APBB1IP: variants seen among roughly 807,000 people sequenced by gnomAD.
The protein encoded by APBB1IP is amyloid beta precursor protein binding family B member 1 interacting protein, also known as amyloid beta A4 precursor protein-binding family B member 1-interacting protein.
APBB1IP carries 27 observed loss-of-function variants against 64.9 expected under a neutral mutation model. The observed-to-expected ratio is 0.42, with a 90% CI of 0.31 to 0.57. The LOEUF is 0.57. Among genes scored for constraint, APBB1IP ranks in the 20% least tolerant of loss-of-function variants. The pLI is 0.20. For synonymous variants in APBB1IP, 392 were observed against 331.0 expected (o/e 1.18, Z -2.00); for missense variants, 812 against 845.5 (o/e 0.96, Z 0.49).
intron 11 of APBB1IP, among the ~76,000 whole-genome samples, chr10:26,553,103 C>G (rs578105493): frequency 6.6e-6 from 1 of 152,032 alleles, no homozygotes; most frequent in African/African-American, 2.4e-5. Context: ...CTCACTGCAA[C>G]CTCCGCCTCC....
intron 7 of APBB1IP, 135 bp downstream of exon 7, chr10:26,512,041 G>T: frequency 1.8e-6 from 2 of 1,085,662 alleles, no homozygotes; most frequent in Non-Finnish European, 2.6e-6. Context: ...TGCTGCCCAG[G>T]CTGATCTCAA....
chr10:26,506,257 G>GT (rs1358015809), intron 6 of APBB1IP, among the ~76,000 whole-genome samples: 13 of 140,950 alleles, frequency 9.2e-5, no homozygotes, highest in South Asian at 2.7e-4. Context: ...GTGTGGGGGG[G>GT]GGGGGTGGGG....
intron 2 of APBB1IP, among the ~76,000 whole-genome samples, chr10:26,450,582 G>A (rs1471936232): frequency 6.6e-6 from 1 of 151,382 alleles, no homozygotes; most frequent in South Asian, 2.1e-4. Context: ...CCTTCTCTTT[G>A]TTAAGCAGTT....
intron 11 of APBB1IP, among the ~76,000 whole-genome samples, chr10:26,555,159 G>A (rs370722409): frequency 1.3e-5 from 2 of 152,090 alleles, no homozygotes; most frequent in East Asian, 3.9e-4. Context: ...ATCTCCCATT[G>A]AGCCCTCCCT....
intron 8 of APBB1IP, among the ~76,000 whole-genome samples, chr10:26,525,286 GA>G (rs1173585582): frequency 3.3e-5 from 5 of 151,550 alleles, no homozygotes; most frequent in Non-Finnish European, 5.9e-5. Flanking sequence ...GTCTAAAAAA[GA>G]AAAAAAGAAA....
chr10:26,537,111 T>C (rs1836634857), intron 10 of APBB1IP, among the ~76,000 whole-genome samples: 1 of 152,160 alleles, frequency 6.6e-6, no homozygotes. Flanking sequence ...TTTTAACTCT[T>C]ATTCTGACCA....
At chr10:26,554,207 C>T (rs1836866737) in intron 11 of APBB1IP, among the ~76,000 whole-genome samples, 1 of 152,194 alleles carries the variant, frequency 6.6e-6, no homozygotes, top group Non-Finnish European at 1.5e-5. Context: ...CTACTCTATT[C>T]GTTTTCTGGA....
At chr10:26,466,349 A>G (rs1193839754) in intron 2 of APBB1IP, among the ~76,000 whole-genome samples, 1 of 152,214 alleles carries the variant, frequency 6.6e-6, no homozygotes, top group South Asian at 2.1e-4. Context: ...GTTCAAGGCG[A>G]TGGGACACAG....
intron 8 of APBB1IP, among the ~76,000 whole-genome samples, chr10:26,525,069 G>C (rs1261859789): frequency 6.7e-6 from 1 of 149,140 alleles, no homozygotes; most frequent in East Asian, 2.0e-4. Context: ...GATCACTTGA[G>C]CCCAGGAGTT....
chr10:26,528,906 C>T (rs1836513387), intron 8 of APBB1IP, among the ~76,000 whole-genome samples: 1 of 152,196 alleles, frequency 6.6e-6, no homozygotes, highest in East Asian at 1.9e-4. Flanking sequence ...CACTGCACTC[C>T]AGCATAGGTG....
chr10:26,515,070 A>T (rs543414070), intron 8 of APBB1IP, among the ~76,000 whole-genome samples: 25 of 144,250 alleles, frequency 1.7e-4, no homozygotes, highest in South Asian at 1.3e-3. Context: ...TTTAGTAGAG[A>T]TGGGGTTTCA....
intron 10 of APBB1IP, among the ~76,000 whole-genome samples, chr10:26,541,333 T>G (rs1408507789): frequency 6.6e-6 from 1 of 152,198 alleles, no homozygotes; most frequent in Admixed American, 6.5e-5. Flanking sequence ...TTCAATATCT[T>G]TCATATTGGG....
intron 2 of APBB1IP, among the ~76,000 whole-genome samples, chr10:26,484,295 G>GTTTGT (rs58151960): frequency 0.016 from 2,477 of 151,780 alleles, 64 homozygotes; most frequent in African/African-American, 0.054. Flanking sequence ...AGGACCACTT[G>GTTTGT]TTTGTTTTGT....
rs117789818 is a variant in APBB1IP, at chr10:26,449,839, G to C, written c.-1+10986G>C. ...AGCTTGGGCAATACAATGAGACCCT[G>C]TCTCTACAAAAAAATGAAAAAGCCA... On this transcript the variant is annotated intron_variant, in intron 2 of 14. Coordinates refer to ENST00000376236, the MANE Select transcript of APBB1IP (RefSeq NM_019043.4). 9.6e-3 allele frequency among the ~76,000 whole-genome samples: 1,458 copies of C among 152,050 alleles called. 106 individuals carry two copies. The East Asian group carries it at 0.2, about 21-fold the overall frequency.
At chr10:26,502,665 C>A (rs1007851101) in intron 5 of APBB1IP, among the ~76,000 whole-genome samples, 3 of 151,964 alleles carry the variant, frequency 2.0e-5, no homozygotes, top group African/African-American at 7.3e-5. Context: ...AAATCAGTCT[C>A]TCTTAACCTT....
At chr10:26,441,026 A>G (rs1322840200) in intron 2 of APBB1IP, among the ~76,000 whole-genome samples, 1 of 152,176 alleles carries the variant, frequency 6.6e-6, no homozygotes, top group Non-Finnish European at 1.5e-5. Flanking sequence ...AATCTTTACA[A>G]TTTTATAGGA....
Position 26,486,675 on chromosome 10 carries a change from G to T in APBB1IP, c.1-5652G>T, listed in dbSNP as rs575691779. Among the ~76,000 whole-genome samples, 27 of 152,210 alleles carry T rather than the reference G, an allele frequency of 1.8e-4. No individual in the cohort carries two copies. In the East Asian group the frequency reaches 4.3e-3, roughly 24 times the overall value. ...GCTGATCTTCACGGCATCCCAAACT[G>T]CATGCAAACTGAGTTAAATGTGTGA... On this transcript the variant is annotated intron_variant, in intron 2 of 14. Transcript: ENST00000376236.
intron 4 of APBB1IP, among the ~76,000 whole-genome samples, chr10:26,500,155 G>A (rs1235907745): frequency 6.7e-6 from 1 of 148,238 alleles, no homozygotes; most frequent in Non-Finnish European, 1.5e-5. Context: ...AGATTGTAGT[G>A]AGCCAAGATC....
chr10:26,566,954 G>T lies in APBB1IP; in HGVS notation c.1474-7G>T. The stretch of plus-strand genomic sequence containing the variant: ...AAAAAATGAATGCTACTGCCACTCG[G>T]TTGCAGGATAAGAAGCCAGCCCTCG... On this transcript the variant is annotated splice_region_variant and splice_polypyrimidine_tract_variant and intron_variant, in intron 14 of 14. Transcript: ENST00000376236. The T allele has an allele frequency of 6.4e-7, 1 of 1,568,358 alleles. No individual in the cohort carries two copies.
Sources: allele counts gnomAD v4.1 joint callset (sites outside exome capture counted in the v4.1 genomes callset), GRCh38; gene constraint gnomAD v4.1.1; transcripts MANE v1.5; gene names NCBI Gene and HGNC (gene_info 2026-07-23, HGNC 2026-07-21).